DIAPH3: variants seen among roughly 807,000 people sequenced by gnomAD.
DIAPH3 encodes diaphanous related formin 3, also known as protein diaphanous homolog 3.
DIAPH3 carries 117 observed loss-of-function variants against 144.3 expected under a neutral mutation model. The ratio of observed to expected loss-of-function variants is 0.81; its 90% CI spans 0.70 to 0.95. The LOEUF (loss-of-function observed/expected upper bound fraction) is 0.95, where lower values mean the gene tolerates loss of function less well. DIAPH3 is among the 40% of genes least tolerant of loss of function. DIAPH3 has a pLI of 0.00. For synonymous variants in DIAPH3, 519 were observed against 488.9 expected, an observed-to-expected ratio of 1.06 and a Z score of -0.81; for missense variants, 1,421 against 1,412.7, an observed-to-expected ratio of 1.01 and a Z score of -0.09.
At chr13:59,701,528 AG>A (rs1245182658) in intron 27 of DIAPH3, among the ~76,000 whole-genome samples, 1 of 152,234 alleles carries the variant, frequency 6.6e-6, no homozygotes, top group Non-Finnish European at 1.5e-5. Flanking sequence ...CACGTCATAT[AG>A]GTCAGAGTTC....
At chr13:59,833,715 T>C (rs950358744) in intron 23 of DIAPH3, among the ~76,000 whole-genome samples, 1 of 151,728 alleles carries the variant, frequency 6.6e-6, no homozygotes, top group Non-Finnish European at 1.5e-5. Flanking sequence ...GGTAATAGTG[T>C]GCCTGTGGGC....
chr13:59,858,226 T>TA (rs1426111145), intron 22 of DIAPH3, among the ~76,000 whole-genome samples: 1 of 151,770 alleles, frequency 6.6e-6, no homozygotes, highest in African/African-American at 2.4e-5. Flanking sequence ...AAAGCACTTT[T>TA]AAAAAAGCAA....
At chr13:60,144,468 G>A (rs1951414058) in intron 1 of DIAPH3, among the ~76,000 whole-genome samples, 1 of 152,164 alleles carries the variant, frequency 6.6e-6, no homozygotes, top group Non-Finnish European at 1.5e-5. Flanking sequence ...TCTTCTCTGA[G>A]AATGCCTATG....
intron 1 of DIAPH3, among the ~76,000 whole-genome samples, chr13:60,141,959 G>A (rs1484185093): frequency 6.6e-6 from 1 of 152,172 alleles, no homozygotes; most frequent in African/African-American, 2.4e-5. Flanking sequence ...GGATGGGCAG[G>A]GGAGTGTTTG....
chr13:60,073,219 G>C (rs2057273593), intron 4 of DIAPH3, among the ~76,000 whole-genome samples: 1 of 151,820 alleles, frequency 6.6e-6, no homozygotes, highest in East Asian at 1.9e-4. Context: ...CGAGGCAGAA[G>C]AATCACTTGA....
chr13:59,763,044 G>A (rs2037684224), intron 27 of DIAPH3, among the ~76,000 whole-genome samples: 1 of 151,970 alleles, frequency 6.6e-6, no homozygotes, highest in Non-Finnish European at 1.5e-5. Context: ...CTGTTCATAA[G>A]TTACCCAGTC....
chr13:59,824,653 T>C (rs574706351), intron 24 of DIAPH3, among the ~76,000 whole-genome samples: 7 of 152,268 alleles, frequency 4.6e-5, no homozygotes, highest in Admixed American at 1.3e-4. Flanking sequence ...AGAGACTGGA[T>C]TTTATGAACT....
chr13:59,918,778 C>T (rs780526379), intron 18 of DIAPH3, among the ~76,000 whole-genome samples: 21 of 151,918 alleles, frequency 1.4e-4, no homozygotes, highest in Non-Finnish European at 2.6e-4. Context: ...AACATGCAGA[C>T]AGCAACACTT....
intron 17 of DIAPH3, among the ~76,000 whole-genome samples, chr13:59,945,947 A>G (rs1471134801): frequency 6.6e-6 from 1 of 152,214 alleles, no homozygotes; most frequent in Non-Finnish European, 1.5e-5. Context: ...GAAAAAATGA[A>G]GACGAACACT....
intron 27 of DIAPH3, among the ~76,000 whole-genome samples, chr13:59,723,840 C>A (rs182633586): frequency 0.043 from 6,459 of 151,086 alleles, 226 homozygotes; most frequent in Admixed American, 0.1. Context: ...GTCTCGAACT[C>A]CTGACCTCGT....
chr13:59,981,226 AG>A (rs2050992610), intron 13 of DIAPH3, among the ~76,000 whole-genome samples: 1 of 151,504 alleles, frequency 6.6e-6, no homozygotes, highest in Non-Finnish European at 1.5e-5. Flanking sequence ...ACAGAAAATT[AG>A]AAAAATTGAT....
chr13:60,149,398 G>C (rs900694444), intron 1 of DIAPH3, among the ~76,000 whole-genome samples: 5 of 152,100 alleles, frequency 3.3e-5, no homozygotes, highest in African/African-American at 4.8e-5. Flanking sequence ...CGAATGCTGT[G>C]GTATGTTCCC....
At chr13:60,023,980 C>T (rs575482859) in intron 5 of DIAPH3, among the ~76,000 whole-genome samples, 12 of 151,002 alleles carry the variant, frequency 7.9e-5, no homozygotes, top group Non-Finnish European at 1.5e-4. Flanking sequence ...CTCAGCCTCC[C>T]AAGTAGCTGG....
intron 2 of DIAPH3, among the ~76,000 whole-genome samples, chr13:60,129,168 T>C (rs2059072134): frequency 6.6e-6 from 1 of 152,136 alleles, no homozygotes. Context: ...TAATTTAGCA[T>C]TGTCACATCC....
At chr13:60,077,547 A>G (rs1001909110) in intron 4 of DIAPH3, among the ~76,000 whole-genome samples, 4 of 152,112 alleles carry the variant, frequency 2.6e-5, no homozygotes, top group Non-Finnish European at 2.9e-5. Flanking sequence ...TAGTTGCCAT[A>G]AGAAAGTATG....
chr13:59,850,216 T>G (rs1164487198), intron 22 of DIAPH3, among the ~76,000 whole-genome samples: 1 of 152,086 alleles, frequency 6.6e-6, no homozygotes, highest in Non-Finnish European at 1.5e-5. Context: ...AAGGAGATTT[T>G]GGGCTGAGAC....
intron 18 of DIAPH3, 57 bp from the exon 19 acceptor site, chr13:59,916,306 AG>A: frequency 7.9e-7 from 1 of 1,267,656 alleles, no homozygotes; most frequent in Non-Finnish European, 1.1e-6. Flanking sequence ...AAAGTATTTC[AG>A]ATGTAGTTCT....
At chr13:59,707,105 C>G (rs1311707576) in intron 27 of DIAPH3, among the ~76,000 whole-genome samples, 1 of 152,114 alleles carries the variant, frequency 6.6e-6, no homozygotes, top group African/African-American at 2.4e-5. Context: ...AAGTCATATT[C>G]ATTACACGAA....
chr13:59,735,425 T>C (rs1414578766), intron 27 of DIAPH3, among the ~76,000 whole-genome samples: 1 of 152,176 alleles, frequency 6.6e-6, no homozygotes, highest in Admixed American at 6.5e-5. Flanking sequence ...AAAAAATATT[T>C]AATAAAAAAT....
Sources: allele counts gnomAD v4.1 joint callset (sites outside exome capture counted in the v4.1 genomes callset), GRCh38; gene constraint gnomAD v4.1.1; transcripts MANE v1.5; gene names NCBI Gene and HGNC (gene_info 2026-07-23, HGNC 2026-07-21).